VPS13B: variants seen among roughly 807,000 people sequenced by gnomAD.
VPS13B encodes the protein intermembrane lipid transfer protein VPS13B.
In VPS13B, 285 loss-of-function variants were observed where a neutral mutation model predicts 426.4. The observed-to-expected ratio is 0.67, with a 90% confidence interval of 0.61 to 0.74. The LOEUF is 0.74. VPS13B is among the 30% of genes least tolerant of loss of function. The pLI is 0.00. For synonymous variants in VPS13B, 1,676 were observed against 1,676.4 expected (o/e 1.00, Z 0.01); for missense variants, 4,537 against 4,782.6 (o/e 0.95, Z 1.51).
chr8:99,174,906 G>A (rs967400609), intron 16 of VPS13B, among the ~76,000 whole-genome samples: 1 of 152,078 alleles, frequency 6.6e-6, no homozygotes, highest in African/African-American at 2.4e-5. Flanking sequence ...GAAAGGAGGT[G>A]TTTAAATAGT....
chr8:99,463,352 A>G (rs1309905066), intron 23 of VPS13B, among the ~76,000 whole-genome samples: 2 of 152,230 alleles, frequency 1.3e-5, no homozygotes. Flanking sequence ...GAAGTAAATA[A>G]TAGTTTTATT....
intron 30 of VPS13B, among the ~76,000 whole-genome samples, chr8:99,535,780 T>A (rs1335623000): frequency 6.6e-6 from 1 of 152,182 alleles, no homozygotes; most frequent in Non-Finnish European, 1.5e-5. Flanking sequence ...TAATCATTAT[T>A]CTGACCTCTG....
At position 99,877,266 on chromosome 8, in the gene VPS13B, TCA is replaced by T. The variant is rs1200875164; in HGVS notation, c.*1601_*1602del. 2 of 152,654 alleles carry T rather than the reference TCA, an allele frequency of 1.3e-5. No individual in the cohort carries two copies. Among genetic ancestry groups the T allele is most frequent in the African/African-American group, 4.8e-5 (2 of 41,468 alleles). The allele number at this position is 152,654 out of a possible 1,614,324, so 9.5% of individuals were successfully genotyped here. A position where few individuals can be genotyped will look rare whatever the true frequency, so the allele number is the denominator to read the frequency against. ...ATTCTGACTATGAAAAATGTCTCTT[TCA>T]GTTTGTTCTGTAAATATTTAGAAAA... On this transcript the variant is annotated 3_prime_UTR_variant, in exon 62 of 62. Coordinates refer to ENST00000357162, the MANE Select transcript of VPS13B (RefSeq NM_152564.5).
chr8:99,034,852 TGC>T (rs1842674241), intron 2 of VPS13B, among the ~76,000 whole-genome samples: 1 of 152,114 alleles, frequency 6.6e-6, no homozygotes, highest in South Asian at 2.1e-4. Flanking sequence ...TCTTGTCGCA[TGC>T]GCGCGCGTGT....
At chr8:99,834,746 G>T (rs1017301014) in intron 52 of VPS13B, among the ~76,000 whole-genome samples, 4 of 152,140 alleles carry the variant, frequency 2.6e-5, no homozygotes, top group Non-Finnish European at 5.9e-5. Flanking sequence ...TTGCTGTAGA[G>T]ATGGGGTTTT....
At chr8:99,137,458 G>T (rs1810132019) in intron 12 of VPS13B, among the ~76,000 whole-genome samples, 1 of 151,360 alleles carries the variant, frequency 6.6e-6, no homozygotes, top group South Asian at 2.1e-4. Context: ...AGGTGGTGTT[G>T]AACTAGGCAT....
intron 21 of VPS13B, among the ~76,000 whole-genome samples, chr8:99,403,765 T>C (rs183265946): frequency 4.9e-4 from 74 of 152,268 alleles, no homozygotes; most frequent in Admixed American, 1.0e-3. Flanking sequence ...GCTCATGAGG[T>C]TAACTCCAGC....
chr8:99,346,578 C>G (rs944223906), intron 19 of VPS13B: 4 of 153,346 alleles, frequency 2.6e-5, no homozygotes, highest in African/African-American at 9.7e-5. Context: ...TGCCAATATT[C>G]AAAATGTAGT....
At chr8:99,537,126 C>T (rs1461210242) in intron 30 of VPS13B, among the ~76,000 whole-genome samples, 3 of 151,922 alleles carry the variant, frequency 2.0e-5, no homozygotes, top group Non-Finnish European at 2.9e-5. Context: ...AATTGTCCAT[C>T]GGTCTGAATC....
intron 21 of VPS13B, among the ~76,000 whole-genome samples, chr8:99,417,276 G>A (rs556480897): frequency 1.3e-5 from 2 of 152,270 alleles, no homozygotes; most frequent in South Asian, 4.1e-4. Flanking sequence ...AGAGTGGGAA[G>A]GGTGCTATTG....
At chr8:99,296,249 T>C (rs1174423010) in intron 19 of VPS13B, among the ~76,000 whole-genome samples, 1 of 152,198 alleles carries the variant, frequency 6.6e-6, no homozygotes, top group Admixed American at 6.5e-5. Flanking sequence ...TGTGTACATA[T>C]AATTTCTGTG....
chr8:99,507,984 TAG>T (rs958185864), intron 28 of VPS13B: 1 of 1,597,966 alleles, frequency 6.3e-7, no homozygotes, highest in Non-Finnish European at 8.6e-7. Flanking sequence ...GAATGATTCA[TAG>T]AGTCAACTCT....
At chr8:99,336,792 G>A (rs1256213380) in intron 19 of VPS13B, among the ~76,000 whole-genome samples, 1 of 152,180 alleles carries the variant, frequency 6.6e-6, no homozygotes, top group Non-Finnish European at 1.5e-5. Context: ...TCAGAGAAAT[G>A]CAAATCAAAA....
chr8:99,571,536 T>C (rs1825473766), intron 31 of VPS13B, among the ~76,000 whole-genome samples: 1 of 152,196 alleles, frequency 6.6e-6, no homozygotes, highest in Non-Finnish European at 1.5e-5. Context: ...CTGATTTAAT[T>C]TATCACATGA....
Position 99,720,963 on chromosome 8 carries a change from C to T in VPS13B, c.6966C>T (p.Leu2322=). The T allele has an allele frequency of 6.2e-7, 1 of 1,614,004 alleles. No homozygotes were observed. Among genetic ancestry groups the T allele is most frequent in the South Asian group, 1.1e-5 (1 of 91,068 alleles). The change falls in exon 39 of 62, where the codon CTC becomes CTT. Residue 2322 remains leucine (L), a synonymous_variant. Coordinates refer to ENST00000357162, the MANE Select transcript of VPS13B (RefSeq NM_152564.5). ...MLWRYPEPRV[L]TLVRITPVPF... is the part of the protein sequence containing the mutation. ...GGAGATATCCAGAACCTAGAGTACT[C>T]ACCCTTGTACGAATAACTCCTGTAC...
chr8:99,642,632 G>T, intron 34 of VPS13B, 134 bp downstream of exon 34: 1 of 766,964 alleles, frequency 1.3e-6, no homozygotes, highest in South Asian at 1.7e-5. Flanking sequence ...GAAAGTTCAT[G>T]TTCCACAGCT....
At chr8:99,123,999 A>G (rs1461789528) in intron 8 of VPS13B, among the ~76,000 whole-genome samples, 2 of 152,218 alleles carry the variant, frequency 1.3e-5, no homozygotes, top group Non-Finnish European at 2.9e-5. Flanking sequence ...TCATGATCAT[A>G]TTAAGACTGA....
rs1160388842 is a variant in VPS13B, at chr8:99,832,483, G to C, written c.9445G>C (p.Val3149Leu). ...WDLMPDISQSVLDASLLQKQI... is the reference protein window; with the variant it reads ...WDLMPDISQSLLDASLLQKQI... ...CTTGATGCCTGACATCAGTCAGTCA[G>C]TACTGGATGCATCCCTGCTTCAGAA... The change falls in exon 52 of 62, where the codon GTA becomes CTA. Residue 3149 changes from valine (V) to leucine (L), a missense_variant. Val to Leu is a conservative substitution (Grantham distance 32). Coordinates refer to ENST00000357162, the MANE Select transcript of VPS13B (RefSeq NM_152564.5). 6.2e-7 allele frequency: 1 copy of C among 1,613,014 alleles called. No homozygotes were observed. Among genetic ancestry groups the C allele is most frequent in the Non-Finnish European group, 8.5e-7 (1 of 1,179,910 alleles).
intron 17 of VPS13B, among the ~76,000 whole-genome samples, chr8:99,218,051 C>T (rs957547128): frequency 6.6e-6 from 1 of 152,134 alleles, no homozygotes; most frequent in Non-Finnish European, 1.5e-5. Context: ...GCCAGTTAGA[C>T]TGTCTTGAGA....
Sources: gnomAD v4.1 joint callset for allele counts (sites outside exome capture counted in the v4.1 genomes callset) on GRCh38, gnomAD v4.1.1 for gene constraint, MANE v1.5 for transcripts, NCBI Gene and HGNC (gene_info 2026-07-23, HGNC 2026-07-21) for gene names.